PPP2R2B: variants seen among roughly 807,000 people sequenced by gnomAD.
PPP2R2B encodes protein phosphatase 2 regulatory subunit Bbeta.
PPP2R2B carries 5 observed loss-of-function variants against 46.0 expected under a neutral mutation model. That is an observed-to-expected ratio of 0.11 (90% CI 0.06 to 0.23). The LOEUF is 0.23. PPP2R2B is among the 10% of genes least tolerant of loss of function. The pLI is 1.00. For missense variants in PPP2R2B, 367 were observed against 575.0 expected (o/e 0.64, Z 3.70); for synonymous variants, 215 against 206.7 (o/e 1.04, Z -0.34).
chr5:146,697,089 C>G lies in PPP2R2B; in HGVS notation c.334+890G>C, dbSNP rs1364539306. Reference sequence around the variant, plus strand: ...TTTCCCTTTCTTTTTAAATCCCTTGCTTCTTGCTTCTCGATTTAAATTAAA... The same window carrying G: ...TTTCCCTTTCTTTTTAAATCCCTTGGTTCTTGCTTCTCGATTTAAATTAAA... On this transcript the variant is annotated intron_variant, in intron 4 of 9. Transcript: ENST00000394411. Among the ~76,000 whole-genome samples the G allele has an allele frequency of 1.3e-5, 2 of 152,082 alleles. 1 individual carries two copies. The highest frequency in any genetic ancestry group is 4.8e-5 in the African/African-American group (2 of 41,408).
At chr5:146,961,950 A>G (rs553616190) in intron 1 of PPP2R2B, among the ~76,000 whole-genome samples, 63 of 151,970 alleles carry the variant, frequency 4.1e-4, no homozygotes, top group South Asian at 8.3e-4. Flanking sequence ...AACAGAATGA[A>G]TTAAGGAGTC....
At chr5:146,638,443 C>G in intron 6 of PPP2R2B, 28 bp from the exon 7 acceptor site, 7 of 1,555,292 alleles carry the variant, frequency 4.5e-6, no homozygotes, top group Non-Finnish European at 6.1e-6. Flanking sequence ...AGGAAGGAAC[C>G]AGGAGAAGGA....
chr5:146,947,831 C>T (rs2151833360), intron 1 of PPP2R2B, among the ~76,000 whole-genome samples: 1 of 151,884 alleles, frequency 6.6e-6, no homozygotes, highest in Non-Finnish European at 1.5e-5. Context: ...TGAGTCCATG[C>T]TTTTGCTTAT....
intron 5 of PPP2R2B, among the ~76,000 whole-genome samples, chr5:146,661,770 T>C (rs1318716607): frequency 6.6e-6 from 1 of 152,224 alleles, no homozygotes; most frequent in African/African-American, 2.4e-5. Context: ...TTATCTTATT[T>C]TTTCCCCAGA....
chr5:146,593,930 G>A (rs1225602635), intron 8 of PPP2R2B, among the ~76,000 whole-genome samples: 2 of 152,218 alleles, frequency 1.3e-5, no homozygotes, highest in African/African-American at 4.8e-5. Context: ...CTGAGTGATA[G>A]ATTCTGGCCT....
At chr5:146,669,470 T>C (rs573081243) in intron 5 of PPP2R2B, among the ~76,000 whole-genome samples, 4 of 152,064 alleles carry the variant, frequency 2.6e-5, no homozygotes, top group South Asian at 2.1e-4. Flanking sequence ...GTTTATATTC[T>C]ACATTATTCT....
At chr5:146,772,406 A>T (rs375835339) in intron 2 of PPP2R2B, among the ~76,000 whole-genome samples, 2 of 7,780 alleles carry the variant, frequency 2.6e-4, no homozygotes, top group South Asian at 5.8e-3. Flanking sequence ...ATATATATAT[A>T]TATATATATA....
At chr5:146,640,132 A>C (rs1775099533) in intron 6 of PPP2R2B, among the ~76,000 whole-genome samples, 1 of 152,236 alleles carries the variant, frequency 6.6e-6, no homozygotes, top group Admixed American at 6.5e-5. Flanking sequence ...CTGCTACAAC[A>C]TTCCAACATG....
At chr5:146,857,153 G>A (rs1049424017) in intron 2 of PPP2R2B, among the ~76,000 whole-genome samples, 9 of 152,242 alleles carry the variant, frequency 5.9e-5, no homozygotes, top group African/African-American at 2.2e-4. Flanking sequence ...GGGTGAAAGA[G>A]AATGCTCTGG....
At chr5:146,967,736 G>C (rs542151694) in intron 1 of PPP2R2B, among the ~76,000 whole-genome samples, 50 of 152,248 alleles carry the variant, frequency 3.3e-4, no homozygotes, top group African/African-American at 1.2e-3. Flanking sequence ...AGAGATGCCA[G>C]GCATCCTGCA....
chr5:147,001,587 T>C (rs1754179105), intron 1 of PPP2R2B, among the ~76,000 whole-genome samples: 2 of 152,102 alleles, frequency 1.3e-5, no homozygotes, highest in African/African-American at 4.8e-5. Context: ...GGCTTCATTC[T>C]TGAAGTCAGC....
chr5:146,875,890 TC>T (rs912462986), intron 2 of PPP2R2B, among the ~76,000 whole-genome samples: 2 of 152,152 alleles, frequency 1.3e-5, no homozygotes, highest in Admixed American at 6.5e-5. Flanking sequence ...CAGGGACTCT[TC>T]CCCCTCTGGC....
Position 146,678,453 on chromosome 5 carries a change from A to G in PPP2R2B, c.447+12675T>C, listed in dbSNP as rs1419651294. 4.4e-5 allele frequency among the ~76,000 whole-genome samples: 6 copies of G among 137,550 alleles called. 1 individual carries two copies. Among genetic ancestry groups the G allele is most frequent in the Non-Finnish European group, 6.0e-5 (4 of 66,768 alleles). The allele number at this position is 137,550 out of a possible 152,430, so 90.2% of individuals were successfully genotyped here. On this transcript the variant is annotated intron_variant, in intron 5 of 9. Transcript: ENST00000394411. Reference sequence around the variant, plus strand: ...CCAATATCATACTGAATGGGCAAAAACTGGAAGCATTCCCTTTGGAAACTG... The same window carrying G: ...CCAATATCATACTGAATGGGCAAAAGCTGGAAGCATTCCCTTTGGAAACTG...
At chr5:146,780,830 G>A (rs1755464700) in intron 2 of PPP2R2B, among the ~76,000 whole-genome samples, 1 of 151,760 alleles carries the variant, frequency 6.6e-6, no homozygotes, top group South Asian at 2.1e-4. Flanking sequence ...GTGCATTGTT[G>A]GTATTTGTGT....
chr5:146,738,161 C>A (rs375757934), intron 2 of PPP2R2B, among the ~76,000 whole-genome samples: 1 of 151,922 alleles, frequency 6.6e-6, no homozygotes, highest in Admixed American at 6.6e-5. Context: ...CTTTGGGAGG[C>A]TGAGGCGGGC....
chr5:146,681,410 A>G (rs577333693), intron 5 of PPP2R2B, among the ~76,000 whole-genome samples: 1 of 152,310 alleles, frequency 6.6e-6, no homozygotes, highest in South Asian at 2.1e-4. Flanking sequence ...CCACACATGC[A>G]CGTGTAGTTT....
At chr5:146,872,860 T>C (rs574087815) in intron 2 of PPP2R2B, among the ~76,000 whole-genome samples, 4 of 152,348 alleles carry the variant, frequency 2.6e-5, no homozygotes, top group African/African-American at 9.6e-5. Flanking sequence ...CAAGCCAAGA[T>C]CCACTTCCTT....
intron 5 of PPP2R2B, among the ~76,000 whole-genome samples, chr5:146,667,046 T>C (rs1188449777): frequency 6.6e-6 from 1 of 152,158 alleles, no homozygotes; most frequent in Non-Finnish European, 1.5e-5. Flanking sequence ...GGTAGGAATC[T>C]ACTGAACAGT....
At chr5:146,873,476 C>T (rs982220625) in intron 2 of PPP2R2B, among the ~76,000 whole-genome samples, 6 of 152,146 alleles carry the variant, frequency 3.9e-5, no homozygotes, top group South Asian at 4.1e-4. Flanking sequence ...TTGTGGTCAA[C>T]AAGGCTTGAT....
Sources: gnomAD v4.1 joint callset for allele counts (sites outside exome capture counted in the v4.1 genomes callset) on GRCh38, gnomAD v4.1.1 for gene constraint, MANE v1.5 for transcripts, NCBI Gene and HGNC (gene_info 2026-07-23, HGNC 2026-07-21) for gene names.